The following GAB1 variants were observed in gnomAD, a reference collection of about 807,000 sequenced individuals.
GAB1 encodes the protein GRB2 associated binding protein 1.
A neutral mutation model predicts 66.5 loss-of-function variants in GAB1; 19 were observed. The ratio of observed to expected loss-of-function variants is 0.29; its 90% CI spans 0.20 to 0.42. The LOEUF (loss-of-function observed/expected upper bound fraction) is 0.42, where lower values mean the gene tolerates loss of function less well. Ranked by LOEUF, GAB1 falls within the 10% of genes least tolerant of loss-of-function variation. The pLI is 1.00. For missense variants in GAB1, 732 were observed against 858.5 expected, an observed-to-expected ratio of 0.85 and a Z score of 1.84; for synonymous variants, 294 against 301.4, an observed-to-expected ratio of 0.98 and a Z score of 0.25.
intron 1 of GAB1, chr4:143,349,917 C>T: frequency 6.6e-7 from 1 of 1,525,496 alleles, no homozygotes; most frequent in Non-Finnish European, 9.0e-7. Flanking sequence ...AGAGATAGAT[C>T]TCCTCCAGGG....
intron 1 of GAB1, among the ~76,000 whole-genome samples, chr4:143,373,864 A>ATATATATATATAT (rs1553945752): frequency 2.8e-4 from 14 of 50,804 alleles, no homozygotes; most frequent in Non-Finnish European, 2.4e-4. Flanking sequence ...TCTGTAAATA[A>ATATATATATATAT]ATAAATATAT....
At chr4:143,425,259 C>T (rs1477670192) in intron 2 of GAB1, 24 of 966,122 alleles carry the variant, frequency 2.5e-5, no homozygotes, top group Non-Finnish European at 2.6e-5. Flanking sequence ...CGTTGAAAAC[C>T]CTGCAGATGT....
intron 6 of GAB1, among the ~76,000 whole-genome samples, chr4:143,452,403 A>T (rs2149781503): frequency 6.6e-6 from 1 of 152,354 alleles, no homozygotes; most frequent in Non-Finnish European, 1.5e-5. Context: ...ACGCTCTTCT[A>T]GATGGCATAT....
intron 1 of GAB1, among the ~76,000 whole-genome samples, chr4:143,362,736 C>T (rs2149658325): frequency 6.6e-6 from 1 of 152,128 alleles, no homozygotes; most frequent in Admixed American, 6.5e-5. Flanking sequence ...GGGTTTTGGC[C>T]AGCCTTTTCT....
intron 1 of GAB1, among the ~76,000 whole-genome samples, chr4:143,379,007 G>A (rs1312992996): frequency 6.6e-6 from 1 of 152,044 alleles, no homozygotes; most frequent in Non-Finnish European, 1.5e-5. Context: ...ATGTGATAGG[G>A]GCCAAATCCC....
chr4:143,460,377 C>T lies in GAB1; in HGVS notation c.1693C>T (p.Pro565Ser), dbSNP rs753773130. ...TTCTGTAATTAGCTCTTCCAGGTTT[C>T]CCATGTCCCCCCGACCAGATTCAGT... is the stretch of plus-strand genomic sequence containing the variant. ...RSFARDSSRF[P>S]MSPRPDSVHS... is the part of the protein sequence containing the mutation. The change falls in exon 8 of 10, where the codon CCC becomes TCC. Residue 565 changes from proline (P) to serine (S), a missense_variant. Coordinates refer to ENST00000262994, the MANE Select transcript of GAB1 (RefSeq NM_002039.4). The T allele has an allele frequency of 3.7e-6, 6 of 1,613,540 alleles. No homozygotes were observed. In the African/African-American group the frequency reaches 8.0e-5, roughly 22 times the overall value.
Position 143,439,882 on chromosome 4 carries a change from C to A in GAB1, c.1276C>A (p.His426Asn), listed in dbSNP as rs1310400820. 3.1e-6 allele frequency: 5 copies of A among 1,607,764 alleles called. No individual in the cohort carries two copies. The highest frequency in any genetic ancestry group is 1.3e-5 in the African/African-American group (1 of 74,750). Reference sequence around the variant, plus strand: ...TAGTTCACTTGAAGGCTTCCATAACCACTTTGTAAGTATAATTGACCTTGG... The same window carrying A: ...TAGTTCACTTGAAGGCTTCCATAACAACTTTGTAAGTATAATTGACCTTGG... ...RSSSLEGFHN[H>N]FKVKNVLTVG... The change falls in exon 5 of 10, where the codon CAC becomes AAC. Residue 426 changes from histidine (H) to asparagine (N), a missense_variant. This residue lies in a region of GAB1 where 427 missense variants were observed against 420.6 expected (regional missense o/e 1.02). Coordinates refer to ENST00000262994, the MANE Select transcript of GAB1 (RefSeq NM_002039.4).
At chr4:143,425,634 A>G (rs1733310967) in intron 2 of GAB1, 1 of 761,684 alleles carries the variant, frequency 1.3e-6, no homozygotes, top group Non-Finnish European at 2.4e-6. Context: ...ATGGGAGGTC[A>G]TGCCTGAACT....
rs1490511169 is a variant in GAB1 at position 143,460,806 on chromosome 4, C to T, written c.1803+319C>T. 3.3e-5 allele frequency among the ~76,000 whole-genome samples: 5 copies of T among 152,212 alleles called. No individual in the cohort carries two copies. The East Asian group carries it at 9.6e-4, about 29-fold the overall frequency. ...AGCAGTTTGAGGCTAGCCTGCACAA[C>T]ATGTCACCCTGTCTCTAATTAGAAA... On this transcript the variant is annotated intron_variant, in intron 8 of 9. Coordinates refer to ENST00000262994, the MANE Select transcript of GAB1 (RefSeq NM_002039.4).
chr4:143,387,827 C>T (rs532690426), intron 1 of GAB1, among the ~76,000 whole-genome samples: 11 of 152,170 alleles, frequency 7.2e-5, no homozygotes, highest in Non-Finnish European at 1.6e-4. Context: ...GCTCCTTGAT[C>T]CTGATCTTGA....
At position 143,459,479 on chromosome 4, in the gene GAB1, G is replaced by A; in HGVS notation, c.1679+1G>A. On this transcript the variant is annotated splice_donor_variant, in intron 7 of 9. Coordinates refer to ENST00000262994, the MANE Select transcript of GAB1 (RefSeq NM_002039.4). LOFTEE classifies it high-confidence loss of function. ...CCATCACTAGGAGTTTTGCTCGAGA[G>A]TAAGTCCTTTGTCTAAAATATGTAG... 6.7e-7 allele frequency: 1 copy of A among 1,483,520 alleles called. No individual in the cohort carries two copies. The highest frequency in any genetic ancestry group is 9.4e-7 in the Non-Finnish European group (1 of 1,061,306). 91.9% of individuals were successfully genotyped at this position (1,483,520 alleles called of 1,614,324 possible).
chr4:143,449,213 T>C, intron 6 of GAB1, among the ~76,000 whole-genome samples: 1 of 150,890 alleles, frequency 6.6e-6, no homozygotes, highest in East Asian at 1.9e-4. Flanking sequence ...CTTCCAACTA[T>C]GTGGTCAATT....
intron 1 of GAB1, among the ~76,000 whole-genome samples, chr4:143,367,898 G>A (rs1581233892): frequency 6.6e-6 from 1 of 151,702 alleles, no homozygotes; most frequent in Non-Finnish European, 1.5e-5. Context: ...CTAATTTTTT[G>A]TATTTTAGTA....
At chr4:143,366,173 A>G (rs1729874451) in intron 1 of GAB1, among the ~76,000 whole-genome samples, 1 of 152,208 alleles carries the variant, frequency 6.6e-6, no homozygotes, top group Non-Finnish European at 1.5e-5. Context: ...TCCAGCTCTG[A>G]AATTCAGTAA....
At chr4:143,395,445 G>A (rs1731399409) in intron 1 of GAB1, 1 of 154,840 alleles carries the variant, frequency 6.5e-6, no homozygotes, top group African/African-American at 2.4e-5. Context: ...ATTTCTTTTT[G>A]TAAAAAGAGT....
At chr4:143,427,545 A>AAAC (rs1458570395) in intron 2 of GAB1, among the ~76,000 whole-genome samples, 1 of 151,952 alleles carries the variant, frequency 6.6e-6, no homozygotes, top group African/African-American at 2.4e-5. Context: ...TAAAAAAAAA[A>AAAC]AACAACAACA....
rs534540069 is a variant in GAB1, at chr4:143,470,787, T to C, written c.*1598T>C. On this transcript the variant is annotated 3_prime_UTR_variant, in exon 10 of 10. Transcript: ENST00000262994. ...CAGATGTGCCCTGATTTCTGGCCCA[T>C]TGGCCATAGTACTGTGCCTAATCAA... 3.9e-5 allele frequency: 6 copies of C among 152,372 alleles called. No homozygotes were observed. The East Asian group carries it at 9.6e-4, about 24-fold the overall frequency. The allele number at this position is 152,372 out of a possible 1,614,324, so 9.4% of individuals were successfully genotyped here. A position where few individuals can be genotyped will look rare whatever the true frequency, so the allele number is the denominator to read the frequency against.
At chr4:143,409,907 A>G (rs1237559756) in intron 1 of GAB1, among the ~76,000 whole-genome samples, 1 of 152,224 alleles carries the variant, frequency 6.6e-6, no homozygotes, top group South Asian at 2.1e-4. Flanking sequence ...TTAAAGAGCA[A>G]TATAATCCTA....
chr4:143,388,407 G>A (rs1731015577), intron 1 of GAB1, among the ~76,000 whole-genome samples: 1 of 152,140 alleles, frequency 6.6e-6, no homozygotes, highest in Admixed American at 6.5e-5. Flanking sequence ...AAGTGCAAAT[G>A]CAAATAGAGG....
Sources: allele counts gnomAD v4.1 joint callset (sites outside exome capture counted in the v4.1 genomes callset), GRCh38; gene constraint gnomAD v4.1.1; regional missense constraint gnomAD v4.1.1; transcripts MANE v1.5; gene names NCBI Gene and HGNC (gene_info 2026-07-23, HGNC 2026-07-21).